SEMA3E: variants seen among roughly 807,000 people sequenced by gnomAD.
SEMA3E encodes semaphorin 3E, also known as semaphorin-3E.
In SEMA3E, 49 loss-of-function variants were observed where a neutral mutation model predicts 93.6. That is an observed-to-expected ratio of 0.52 (90% CI 0.42 to 0.66). The LOEUF is 0.66. SEMA3E is among the 30% of genes least tolerant of loss of function. SEMA3E has a pLI of 0.00. For missense variants in SEMA3E, 906 were observed against 964.8 expected (o/e 0.94, Z 0.81); for synonymous variants, 363 against 330.7 (o/e 1.10, Z -1.06).
At chr7:83,556,374 A>T (rs1791888312) in intron 1 of SEMA3E, among the ~76,000 whole-genome samples, 1 of 152,148 alleles carries the variant, frequency 6.6e-6, no homozygotes, top group African/African-American at 2.4e-5. Context: ...TCATTCATTC[A>T]ATAGCTATAT....
chr7:83,644,472 A>G (rs77080407), intron 1 of SEMA3E, among the ~76,000 whole-genome samples: 2,642 of 152,098 alleles, frequency 0.017, 35 homozygotes, highest in South Asian at 0.031. Context: ...CTCACTTTGT[A>G]TCAGTCTGCA....
At chr7:83,369,596 A>G (rs994984534) in intron 16 of SEMA3E, among the ~76,000 whole-genome samples, 3 of 152,164 alleles carry the variant, frequency 2.0e-5, no homozygotes, top group African/African-American at 7.2e-5. Context: ...TGGTGGGACC[A>G]TGTCCTGGTA....
At chr7:83,411,950 A>C (rs951699291) in intron 5 of SEMA3E, among the ~76,000 whole-genome samples, 1 of 152,210 alleles carries the variant, frequency 6.6e-6, no homozygotes, top group Non-Finnish European at 1.5e-5. Flanking sequence ...AAGAAAGAAT[A>C]GTAGAAATAG....
intron 3 of SEMA3E, among the ~76,000 whole-genome samples, chr7:83,468,480 C>T (rs1789819455): frequency 6.6e-6 from 1 of 151,938 alleles, no homozygotes; most frequent in African/African-American, 2.4e-5. Flanking sequence ...TGTGCTGACT[C>T]ACTCCTTGGC....
At chr7:83,412,118 C>T (rs1788449611) in intron 5 of SEMA3E, among the ~76,000 whole-genome samples, 1 of 152,116 alleles carries the variant, frequency 6.6e-6, no homozygotes, top group Admixed American at 6.6e-5. Context: ...TCTCTCTGCT[C>T]TTTGGCCTAG....
chr7:83,462,302 G>T (rs1393916701), intron 4 of SEMA3E: 2 of 152,150 alleles, frequency 1.3e-5, no homozygotes, highest in African/African-American at 2.4e-5. Flanking sequence ...CATAACTGTT[G>T]TGGGTATTGA....
intron 1 of SEMA3E, among the ~76,000 whole-genome samples, chr7:83,512,925 A>G (rs1790854527): frequency 6.6e-6 from 1 of 152,220 alleles, no homozygotes; most frequent in Non-Finnish European, 1.5e-5. Flanking sequence ...GTTTTTACAT[A>G]AAGGCTAAAG....
intron 1 of SEMA3E, among the ~76,000 whole-genome samples, chr7:83,557,410 A>G (rs192223386): frequency 4.6e-3 from 700 of 151,920 alleles, no homozygotes; most frequent in Non-Finnish European, 7.9e-3. Context: ...GCACATCAAA[A>G]TAGGATTTTA....
chr7:83,643,110 C>A (rs1379488551), intron 1 of SEMA3E, among the ~76,000 whole-genome samples: 1 of 151,948 alleles, frequency 6.6e-6, no homozygotes, highest in African/African-American at 2.4e-5. Flanking sequence ...CAGTAACAAC[C>A]AATTTCATGG....
At chr7:83,408,587 A>G in intron 5 of SEMA3E, 100 bp from the exon 6 acceptor site, 1 of 1,255,150 alleles carries the variant, frequency 8.0e-7, no homozygotes, top group East Asian at 2.5e-5. Context: ...TATGTACTTT[A>G]TGACATTAAT....
chr7:83,368,599 T>C (rs1037266273), intron 16 of SEMA3E, among the ~76,000 whole-genome samples: 6 of 152,138 alleles, frequency 3.9e-5, no homozygotes, highest in African/African-American at 1.4e-4. Context: ...GAACATCCCT[T>C]ACATTTTCAT....
chr7:83,539,041 C>A (rs973359511), intron 1 of SEMA3E, among the ~76,000 whole-genome samples: 21 of 152,128 alleles, frequency 1.4e-4, no homozygotes, highest in Admixed American at 3.9e-4. Context: ...ATTAGAAGCT[C>A]TGAGTGGGTA....
chr7:83,363,859 C>CTTTTTTTTTTTTTTTTT lies in SEMA3E; in HGVS notation c.*3726_*3727insAAAAAAAAAAAAAAAAA, dbSNP rs1562743425. 9.9e-6 allele frequency: 1 copy of CTTTTTTTTTTTTTTTTT among 100,558 alleles called. No individual in the cohort carries two copies. Among genetic ancestry groups the CTTTTTTTTTTTTTTTTT allele is most frequent in the African/African-American group, 4.7e-5 (1 of 21,430 alleles). The allele number at this position is 100,558 out of a possible 1,614,324, so 6.2% of individuals were successfully genotyped here. A position where few individuals can be genotyped will look rare whatever the true frequency, so the allele number is the denominator to read the frequency against. On this transcript the variant is annotated 3_prime_UTR_variant, in exon 17 of 17. Transcript: ENST00000643230. ...AGGCTACAGGTGTCACAGGTCAATT[C>CTTTTTTTTTTTTTTTTT]ATTTTTTTTTTTTTTTTTTTTTTTT...
At chr7:83,492,105 T>C (rs1359017235) in intron 1 of SEMA3E, among the ~76,000 whole-genome samples, 1 of 152,062 alleles carries the variant, frequency 6.6e-6, no homozygotes, top group Non-Finnish European at 1.5e-5. Flanking sequence ...AGTGAAATAA[T>C]CTGAATGTGT....
intron 1 of SEMA3E, among the ~76,000 whole-genome samples, chr7:83,634,222 A>G (rs577866191): frequency 1.8e-4 from 28 of 152,278 alleles, no homozygotes; most frequent in African/African-American, 6.5e-4. Context: ...CTTGAATTGT[A>G]TTTTATGTCC....
chr7:83,432,263 C>T (rs1788899538), intron 4 of SEMA3E, among the ~76,000 whole-genome samples: 2 of 138,348 alleles, frequency 1.4e-5, no homozygotes, highest in African/African-American at 2.8e-5. Context: ...TACACAATTG[C>T]ATTTGAGGGT....
chr7:83,607,318 C>T (rs898912921), intron 1 of SEMA3E, among the ~76,000 whole-genome samples: 2 of 152,136 alleles, frequency 1.3e-5, no homozygotes, highest in South Asian at 2.1e-4. Flanking sequence ...GTTTAGGGGT[C>T]GTGTTATCAG....
chr7:83,506,001 C>T (rs1193205329), intron 1 of SEMA3E, among the ~76,000 whole-genome samples: 8 of 118,326 alleles, frequency 6.8e-5, no homozygotes, highest in African/African-American at 2.7e-4. Flanking sequence ...GGCAACAGTG[C>T]TAGACTCCGT....
At chr7:83,497,628 G>A (rs1790514078) in intron 1 of SEMA3E, among the ~76,000 whole-genome samples, 1 of 152,164 alleles carries the variant, frequency 6.6e-6, no homozygotes, top group Non-Finnish European at 1.5e-5. Context: ...ATCACTAGTG[G>A]CTTATGATGT....
Sources: allele counts gnomAD v4.1 joint callset (sites outside exome capture counted in the v4.1 genomes callset), GRCh38; gene constraint gnomAD v4.1.1; transcripts MANE v1.5; gene names NCBI Gene and HGNC (gene_info 2026-07-23, HGNC 2026-07-21).